The following BLTP1 variants were observed in gnomAD, a reference collection of about 807,000 sequenced individuals.
BLTP1 encodes bridge-like lipid transfer protein family member 1.
At chr4:122,355,842 C>G in the BLTP1 span, 9 of 1,611,570 alleles carry the variant, frequency 5.6e-6, no homozygotes, top group Admixed American at 1.0e-4. Flanking sequence ...CTGAGAATAG[C>G]ACTACTGTGA....
chr4:122,347,700 AG>A, the BLTP1 span: 1 of 1,613,874 alleles, frequency 6.2e-7, no homozygotes, highest in Admixed American at 1.7e-5. Context: ...CCATGTCACC[AG>A]GGACAGTAGG....
At chr4:122,214,312 T>TA in the BLTP1 span, 1 of 925,072 alleles carries the variant, frequency 1.1e-6, no homozygotes, top group Non-Finnish European at 1.3e-6. Context: ...AATTCTTAAG[T>TA]AAATTGAAAT....
At chr4:122,238,243 A>C in the BLTP1 span, 1 of 1,614,042 alleles carries the variant, frequency 6.2e-7, no homozygotes, top group East Asian at 2.2e-5. Context: ...CTAGTGCTGC[A>C]CAGCCTTTGT....
the BLTP1 span, chr4:122,238,477 C>A: frequency 1.5e-6 from 1 of 684,014 alleles, no homozygotes; most frequent in Non-Finnish European, 2.5e-6. Flanking sequence ...TATATCTGAA[C>A]ATATTTTGAA....
chr4:122,270,115 G>C, the BLTP1 span, among the ~76,000 whole-genome samples: 1 of 151,988 alleles, frequency 6.6e-6, no homozygotes, highest in African/African-American at 2.4e-5. Context: ...AGTTGGCATT[G>C]ATTGTACACT....
At chr4:122,215,595 T>C in the BLTP1 span, 1 of 983,944 alleles carries the variant, frequency 1.0e-6, no homozygotes, top group Non-Finnish European at 1.2e-6. Context: ...ACTGCAAACT[T>C]TGTGAACAGT....
At chr4:122,228,639 A>G in the BLTP1 span, among the ~76,000 whole-genome samples, 1 of 152,200 alleles carries the variant, frequency 6.6e-6, no homozygotes, top group Non-Finnish European at 1.5e-5. Context: ...TCTAACCTAA[A>G]CATCATAAAA....
At chr4:122,238,977 A>G in the BLTP1 span, among the ~76,000 whole-genome samples, 2 of 152,258 alleles carry the variant, frequency 1.3e-5, no homozygotes, top group East Asian at 3.9e-4. Context: ...CTTTGTTCCT[A>G]AGGCCTAGCT....
the BLTP1 span, chr4:122,316,704 A>G: frequency 6.3e-6 from 10 of 1,593,346 alleles, no homozygotes; most frequent in Non-Finnish European, 8.5e-6. Context: ...TGAGGGTGGT[A>G]TTGACAGATA....
chr4:122,214,737 A>G, the BLTP1 span: 1 of 160,462 alleles, frequency 6.2e-6, no homozygotes, highest in East Asian at 2.0e-4. Flanking sequence ...TTAGCCTCCC[A>G]AGTAGCTGGG....
chr4:122,286,466 C>A, the BLTP1 span: 1 of 1,577,536 alleles, frequency 6.3e-7, no homozygotes, highest in Non-Finnish European at 8.6e-7. Flanking sequence ...TCTTAGATAC[C>A]CTTTTTGGAA....
the BLTP1 span, chr4:122,207,489 A>T: frequency 6.6e-7 from 1 of 1,520,992 alleles, no homozygotes; most frequent in East Asian, 2.4e-5. Flanking sequence ...TTTAATGGAC[A>T]TTAAAAGTAA....
chr4:122,277,205 G>A, the BLTP1 span: 20 of 438,398 alleles, frequency 4.6e-5, no homozygotes, highest in Non-Finnish European at 6.1e-5. Context: ...GCTGGGCATG[G>A]TGGCACGTCT....
chr4:122,325,029 G>T, the BLTP1 span: 1 of 168,878 alleles, frequency 5.9e-6, no homozygotes, highest in Non-Finnish European at 1.2e-5. Context: ...CTTTTTATAT[G>T]ATTTAGTTTT....
chr4:122,187,852 G>A, the BLTP1 span: 11 of 1,533,292 alleles, frequency 7.2e-6, no homozygotes, highest in Non-Finnish European at 8.7e-6. Flanking sequence ...GGCCAGAATA[G>A]CATGATATAA....
At chr4:122,199,988 A>C in the BLTP1 span, 3 of 973,726 alleles carry the variant, frequency 3.1e-6, no homozygotes, top group East Asian at 3.4e-4. Context: ...TATTATTATT[A>C]CTATCAGGGA....
At chr4:122,318,639 T>A in the BLTP1 span, among the ~76,000 whole-genome samples, 5 of 152,228 alleles carry the variant, frequency 3.3e-5, no homozygotes, top group Admixed American at 6.5e-5. Context: ...TTAAGATGTC[T>A]GTTCTTCACC....
the BLTP1 span, among the ~76,000 whole-genome samples, chr4:122,268,788 TTGTGCTTTC>T: frequency 6.6e-6 from 1 of 152,174 alleles, no homozygotes; most frequent in Non-Finnish European, 1.5e-5. Flanking sequence ...TAACTACATA[TTGTGCTTTC>T]TGTGCATGAA....
At chr4:122,298,973 G>A in the BLTP1 span, 1 of 985,162 alleles carries the variant, frequency 1.0e-6, no homozygotes, top group Non-Finnish European at 1.2e-6. Context: ...AAGATGAAGA[G>A]TTGGATCACC....
Sources: gnomAD v4.1 joint callset for allele counts (sites outside exome capture counted in the v4.1 genomes callset) on GRCh38, gnomAD v4.1.1 for gene constraint, MANE v1.5 for transcripts, NCBI Gene and HGNC (gene_info 2026-07-23, HGNC 2026-07-21) for gene names.